Variants in TRMT44 observed in about 807,000 individuals in gnomAD.
TRMT44 encodes the protein tRNA methyltransferase 44 homolog.
Under a neutral mutation model 77.3 loss-of-function variants are expected in TRMT44, and 78 were observed. That is an observed-to-expected ratio of 1.01 (90% CI 0.84 to 1.22). The LOEUF (loss-of-function observed/expected upper bound fraction) is 1.22, where lower values mean the gene tolerates loss of function less well. Among genes scored for constraint, TRMT44 ranks in the 50% most tolerant of loss-of-function variants. The pLI, the probability that TRMT44 is intolerant of heterozygous loss-of-function variation, is 0.00. For synonymous variants in TRMT44, 391 were observed against 383.3 expected, an observed-to-expected ratio of 1.02 and a Z score of -0.23; for missense variants, 1,090 against 964.4, an observed-to-expected ratio of 1.13 and a Z score of -1.73.
In TRMT44 at chr4:8,444,851, T is replaced by C. The variant is rs1299149154; in HGVS notation, c.620-1625T>C. Among the ~76,000 whole-genome samples, 1 of 152,242 alleles carries C rather than the reference T, an allele frequency of 6.6e-6. No homozygotes were observed. The highest frequency in any genetic ancestry group is 1.5e-5 in the Non-Finnish European group (1 of 68,048). The stretch of plus-strand genomic sequence containing the variant: ...AAACATTTCATGTACCCTGTAAATA[T>C]ATATACCTGCTATGTACCCACAAAA... On this transcript the variant is annotated intron_variant, in intron 1 of 10. Coordinates refer to ENST00000389737, the MANE Select transcript of TRMT44 (RefSeq NM_152544.3). The surrounding 1 kb of genome is among the most constrained non-coding windows in gnomAD (Gnocchi z 4.0).
chr4:8,513,580 C>G, the TRMT44 span, among the ~76,000 whole-genome samples: 2 of 152,216 alleles, frequency 1.3e-5, no homozygotes, highest in African/African-American at 4.8e-5. Context: ...TCAAAAGCCA[C>G]CATGGAGAAT....
At chr4:8,480,882 AAGT>A (rs1727591967), downstream of TRMT44, among the ~76,000 whole-genome samples, 1 of 152,246 alleles carries the variant, frequency 6.6e-6, no homozygotes, top group East Asian at 1.9e-4. Flanking sequence ...AGAAAAATCA[AAGT>A]AGTTTACCTC....
chr4:8,462,387 G>GTGACGGA (rs1726215470), intron 6 of TRMT44, among the ~76,000 whole-genome samples: 1 of 151,124 alleles, frequency 6.6e-6, no homozygotes, highest in Non-Finnish European at 1.5e-5. Context: ...CGCCAGCCTA[G>GTGACGGA]GCAACAAGAG....
Position 8,484,042 on chromosome 4 carries a change from G to A in TRMT44, n.3891+4509G>A, listed in dbSNP as rs556505723. On this transcript the variant is annotated intron_variant and non_coding_transcript_variant, in intron 2 of 2. Transcript: ENST00000511366. ...GAACACTGAGAAGTTATTTCCTTGA[G>A]ATTTCCAGGATGGAAAGGAAATGAC... is the stretch of plus-strand genomic sequence containing the variant. Among the ~76,000 whole-genome samples, 7 of 152,302 alleles carry A rather than the reference G, an allele frequency of 4.6e-5. No individual in the cohort carries two copies. In the South Asian group the frequency reaches 1.5e-3, roughly 32 times the overall value.
In TRMT44 at chr4:8,441,062, AG is replaced by A. The variant is rs1424923852; in HGVS notation, c.245del (p.Gly82AlafsTer40). 9 of 1,485,880 alleles carry A rather than the reference AG, an allele frequency of 6.1e-6. No individual in the cohort carries two copies. The highest frequency in any genetic ancestry group is 1.4e-5 in the African/African-American group (1 of 71,186). The allele number at this position is 1,485,880 out of a possible 1,614,324, so 92.0% of individuals were successfully genotyped here. On this transcript the variant is annotated frameshift_variant, in exon 1 of 11. Transcript: ENST00000389737. LOFTEE classifies it high-confidence loss of function. ...GPGPGQGSPG[G>X]GPGPRSLSGP... ...CGGGACCCGGCCAGGGTTCCCCCGG[AG>A]GGGGCCCGGGTCCCAGGTCGCTATC... is the stretch of plus-strand genomic sequence containing the variant.
chr4:8,485,714 C>G (rs185919057), intron 2 of TRMT44, among the ~76,000 whole-genome samples: 20 of 152,160 alleles, frequency 1.3e-4, no homozygotes, highest in African/African-American at 4.8e-4. Context: ...CAGGAATAGT[C>G]AGGGAAGCAG....
rs767770866 is a variant in TRMT44, at chr4:8,449,728, C to G, written c.794C>G (p.Pro265Arg). 3.9e-6 allele frequency: 6 copies of G among 1,535,738 alleles called. No homozygotes were observed. In the South Asian group the frequency reaches 7.1e-5, roughly 18 times the overall value. Reference sequence around the variant, plus strand: ...TGGCATTCAGATGGAATCGTGTATCCCAAACCCACGTGGCTTGGAGAAGAG... The same window carrying G: ...TGGCATTCAGATGGAATCGTGTATCGCAAACCCACGTGGCTTGGAGAAGAG... Reference protein sequence around the residue: ...ERWHSDGIVYPKPTWLGEELL... With the variant: ...ERWHSDGIVYRKPTWLGEELL... Residue 265 changes from proline (P) to arginine (R), a missense_variant, in exon 3 of 11, where the codon CCC (proline) becomes CGC (arginine). Transcript: ENST00000389737.
the TRMT44 span, among the ~76,000 whole-genome samples, chr4:8,503,417 C>T: frequency 1.3e-5 from 2 of 152,336 alleles, no homozygotes; most frequent in Admixed American, 1.3e-4. Flanking sequence ...GAATCCGGAC[C>T]CAGGTGTGGA....
chr4:8,508,154 G>C, the TRMT44 span, among the ~76,000 whole-genome samples: 3 of 152,188 alleles, frequency 2.0e-5, no homozygotes, highest in African/African-American at 7.2e-5. Context: ...TGATCTGCCT[G>C]CCTCGGCCTC....
chr4:8,503,971 G>A, the TRMT44 span, among the ~76,000 whole-genome samples: 3 of 152,150 alleles, frequency 2.0e-5, no homozygotes, highest in Non-Finnish European at 2.9e-5. Context: ...CAAGCTATGG[G>A]ACAGAGCGTC....
chr4:8,461,317 A>G lies in TRMT44; in HGVS notation c.1204-2668A>G, dbSNP rs368212131. ...GGAGGCTCTGCAAATATGTGTGTAG[A>G]CTATAGACTCTCACACATGTCCCAG... On this transcript the variant is annotated intron_variant, in intron 6 of 10. Transcript: ENST00000389737. The surrounding 1 kb of genome is among the most constrained non-coding windows in gnomAD (Gnocchi z 4.6). 1.3e-5 allele frequency among the ~76,000 whole-genome samples: 2 copies of G among 152,140 alleles called. No homozygotes were observed. The highest frequency in any genetic ancestry group is 2.1e-4 in the South Asian group (1 of 4,818).
At chr4:8,469,347 A>C (rs939198701) in intron 9 of TRMT44, among the ~76,000 whole-genome samples, 4 of 152,148 alleles carry the variant, frequency 2.6e-5, no homozygotes, top group African/African-American at 9.7e-5. Context: ...CCTGCTGACT[A>C]AAGGCACCCT....
chr4:8,441,130 C>T lies in TRMT44; in HGVS notation c.308C>T (p.Ala103Val). The change falls in exon 1 of 11, where the codon GCC (alanine) becomes GTC (valine). Residue 103 changes from alanine (A) to valine (V), a missense_variant. Ala to Val is a moderately conservative substitution (Grantham distance 64). Coordinates refer to ENST00000389737, the MANE Select transcript of TRMT44 (RefSeq NM_152544.3). ...ACGGCATGTTGCGAACTTGAGGAGG[C>T]CCAGGGCCAGTGCCAGCAAGAGGAG... ...QGTACCELEE[A>V]QGQCQQEEAQ... The T allele has an allele frequency of 6.6e-7, 1 of 1,521,328 alleles. No homozygotes were observed. The highest frequency in any genetic ancestry group is 2.0e-5 in the Admixed American group (1 of 50,176). 94.2% of individuals were successfully genotyped at this position (1,521,328 alleles called of 1,614,324 possible).
At position 8,451,909 on chromosome 4, in the gene TRMT44, ATGG is replaced by A; in HGVS notation, c.955-44_955-42del. 6.8e-7 allele frequency: 1 copy of A among 1,476,374 alleles called. No homozygotes were observed. Among genetic ancestry groups the A allele is most frequent in the South Asian group, 1.2e-5 (1 of 82,784 alleles). The allele number at this position is 1,476,374 out of a possible 1,614,324, so 91.5% of individuals were successfully genotyped here. A position where few individuals can be genotyped will look rare whatever the true frequency, so the allele number is the denominator to read the frequency against. On this transcript the variant is annotated intron_variant, in intron 3 of 10. Transcript: ENST00000389737. The surrounding 1 kb of genome is among the most constrained non-coding windows in gnomAD (Gnocchi z 4.1). ...ATAGGGATACTTAAAGTATTGGGAA[ATGG>A]TGGTGGGGAAACCGAACAATTTATG... is the stretch of plus-strand genomic sequence containing the variant.
At chr4:8,505,139 CT>C in the TRMT44 span, among the ~76,000 whole-genome samples, 1 of 152,222 alleles carries the variant, frequency 6.6e-6, no homozygotes, top group African/African-American at 2.4e-5. Context: ...CTCTAGGTCC[CT>C]GTCCCTCACC....
At chr4:8,512,993 A>G in the TRMT44 span, among the ~76,000 whole-genome samples, 1 of 152,002 alleles carries the variant, frequency 6.6e-6, no homozygotes, top group East Asian at 1.9e-4. Context: ...GCTCACTGCA[A>G]CCTCCGCCTC....
At chr4:8,492,708 C>A (rs147084965) in intron 2 of TRMT44, among the ~76,000 whole-genome samples, 2 of 152,316 alleles carry the variant, frequency 1.3e-5, no homozygotes, top group African/African-American at 4.8e-5. Context: ...GAACTCAAAG[C>A]CACCTCTGCT....
intron 1 of TRMT44, among the ~76,000 whole-genome samples, chr4:8,445,412 C>G (rs959616603): frequency 6.6e-6 from 1 of 152,242 alleles, no homozygotes; most frequent in Non-Finnish European, 1.5e-5. Flanking sequence ...CCCTATGTGA[C>G]CTGGGTGGGC....
In TRMT44 at chr4:8,446,631, T is replaced by C; in HGVS notation, c.734+41T>C. ...TGGACTCCTAGTTTTATGGTTTCCA[T>C]TGAGGATTTCTTTAGGTAGCCAAAG... On this transcript the variant is annotated intron_variant, in intron 2 of 10. Coordinates refer to ENST00000389737, the MANE Select transcript of TRMT44 (RefSeq NM_152544.3). This position sits in a 1 kb window ranked among gnomAD's most constrained non-coding sequence, Gnocchi z 4.3. 2 of 1,408,398 alleles carry C rather than the reference T, an allele frequency of 1.4e-6. No individual in the cohort carries two copies. The highest frequency in any genetic ancestry group is 1.9e-6 in the Non-Finnish European group (2 of 1,038,880). 87.2% of individuals were successfully genotyped at this position (1,408,398 alleles called of 1,614,324 possible). A position where few individuals can be genotyped will look rare whatever the true frequency, so the allele number is the denominator to read the frequency against.
Sources: gnomAD v4.1 joint callset for allele counts (sites outside exome capture counted in the v4.1 genomes callset) on GRCh38, gnomAD v4.1.1 for gene constraint, Gnocchi (gnomAD v3.1) non-coding constraint, MANE v1.5 for transcripts, NCBI Gene and HGNC (gene_info 2026-07-23, HGNC 2026-07-21) for gene names.